Variants in FXYD6 observed in about 807,000 individuals in gnomAD.
FXYD6 encodes FXYD domain-containing ion transport regulator 6.
Under a neutral mutation model 16.7 loss-of-function variants are expected in FXYD6, and 7 were observed. The observed-to-expected ratio is 0.42, with a 90% CI of 0.24 to 0.79. FXYD6 has a LOEUF of 0.79. Among genes scored for constraint, FXYD6 ranks in the 30% least tolerant of loss-of-function variants. The pLI is 0.28. For synonymous variants in FXYD6, 49 were observed against 43.0 expected (o/e 1.14, Z -0.54); for missense variants, 111 against 116.2 (o/e 0.95, Z 0.21).
chr11:117,839,570 C>A (rs185635061), intron 7 of FXYD6: 22 of 537,792 alleles, frequency 4.1e-5, no homozygotes, highest in African/African-American at 3.2e-4. Flanking sequence ...CTGGTGTTGG[C>A]ATGCATGTGT....
intron 7 of FXYD6, chr11:117,838,502 C>G: frequency 1.7e-6 from 1 of 591,348 alleles, no homozygotes; most frequent in African/African-American, 1.9e-5. Flanking sequence ...TTGTTAAACC[C>G]AGGACCTCCC....
At chr11:117,867,032 C>A (rs876797) in intron 1 of FXYD6, among the ~76,000 whole-genome samples, 31,927 of 152,142 alleles carry the variant, frequency 0.21, 4,162 homozygotes, top group Admixed American at 0.33. Flanking sequence ...ACTCCCAATC[C>A]TAACAGTCAT....
intron 1 of FXYD6, among the ~76,000 whole-genome samples, chr11:117,873,375 G>C (rs574445565): frequency 1.4e-4 from 22 of 152,228 alleles, no homozygotes; most frequent in Admixed American, 2.6e-4. Flanking sequence ...ACTATTGACA[G>C]ATGCGGAAAC....
intron 1 of FXYD6, 110 bp from the exon 2 acceptor site, chr11:117,842,891 A>G (rs1236902418): frequency 8.7e-7 from 1 of 1,145,168 alleles, no homozygotes; most frequent in Non-Finnish European, 1.3e-6. Context: ...TTTGCTCTGC[A>G]CTCATGACTT....
At chr11:117,859,578 A>C (rs934915556) in intron 1 of FXYD6, among the ~76,000 whole-genome samples, 5 of 152,160 alleles carry the variant, frequency 3.3e-5, no homozygotes, top group Non-Finnish European at 7.4e-5. Context: ...ATTCTCACTT[A>C]ATCCTTAAAC....
At chr11:117,860,642 C>T (rs1318379983) in intron 1 of FXYD6, among the ~76,000 whole-genome samples, 1 of 152,178 alleles carries the variant, frequency 6.6e-6, no homozygotes, top group Non-Finnish European at 1.5e-5. Flanking sequence ...GGGGTGCGGG[C>T]AGCGCAGAAT....
chr11:117,841,938 A>G, intron 3 of FXYD6, 52 bp downstream of exon 3: 1 of 1,613,758 alleles, frequency 6.2e-7, no homozygotes, highest in Non-Finnish European at 8.5e-7. Context: ...CCCTCCTGCC[A>G]GGCAGGGCTG....
chr11:117,841,797 T>A lies in FXYD6; in HGVS notation c.166A>T (p.Ile56Phe). Residue 56 changes from isoleucine to phenylalanine, a missense_variant, in exon 4 of 8, where the codon ATC (isoleucine) becomes TTC (phenylalanine). Coordinates refer to ENST00000526014, the MANE Select transcript of FXYD6 (RefSeq NM_022003.4). Reference sequence around the variant, plus strand: ...AGCAAAAGAACAAACTTACTTAGGATAAGGAGGATCCCAACCGAGAAGAGG... The same window carrying A: ...AGCAAAAGAACAAACTTACTTAGGAAAAGGAGGATCCCAACCGAGAAGAGG... ...VVLFSVGILL[I>F]LSRRCKCSFN... 1 of 1,613,666 alleles carries A rather than the reference T, an allele frequency of 6.2e-7. No homozygotes were observed. Among genetic ancestry groups the A allele is most frequent in the Non-Finnish European group, 8.5e-7 (1 of 1,179,968 alleles).
At chr11:117,841,532 T>C (rs905521609) in intron 4 of FXYD6, 37 of 595,202 alleles carry the variant, frequency 6.2e-5, no homozygotes, top group South Asian at 1.2e-4. Flanking sequence ...TCATGCCCTA[T>C]AGACACAGCA....
At chr11:117,867,753 T>G (rs1397886607) in intron 1 of FXYD6, among the ~76,000 whole-genome samples, 1 of 152,100 alleles carries the variant, frequency 6.6e-6, no homozygotes, top group African/African-American at 2.4e-5. Flanking sequence ...TATATTCTGT[T>G]CCTTCTACTT....
chr11:117,859,417 C>T (rs1203740922), intron 1 of FXYD6, among the ~76,000 whole-genome samples: 2 of 152,186 alleles, frequency 1.3e-5, no homozygotes, highest in African/African-American at 2.4e-5. Flanking sequence ...TCTATGGATG[C>T]CACAGAAGAA....
In FXYD6 at chr11:117,875,552, T is replaced by C. The variant is rs12808543; in HGVS notation, c.-6+1040A>G. Among the ~76,000 whole-genome samples the C allele has an allele frequency of 2.1e-3, 318 of 152,064 alleles. 3 individuals are homozygous for C. The highest frequency in any genetic ancestry group is 3.8e-3 in the Non-Finnish European group (260 of 67,976). On this transcript the variant is annotated intron_variant, in intron 1 of 7. Coordinates refer to ENST00000526014, the MANE Select transcript of FXYD6 (RefSeq NM_022003.4). ...TAAGTTGCGGACGTAGACATACACA[T>C]CCATAATATGAGGGTGGCTGGATCC... is the stretch of plus-strand genomic sequence containing the variant.
intron 1 of FXYD6, chr11:117,869,190 T>C (rs999747078): frequency 3.3e-5 from 5 of 152,276 alleles, no homozygotes; most frequent in Non-Finnish European, 5.9e-5. Context: ...AGGAGGAGAC[T>C]GGACTCAGAG....
At position 117,872,496 on chromosome 11, in the gene FXYD6, T is replaced by C. The variant is rs2057160425; in HGVS notation, c.-6+4096A>G. 6.6e-6 allele frequency among the ~76,000 whole-genome samples: 1 copy of C among 152,158 alleles called. No homozygotes were observed. Among genetic ancestry groups the C allele is most frequent in the Non-Finnish European group, 1.5e-5 (1 of 68,022 alleles). Reference sequence around the variant, plus strand: ...CCTGACATATGAGGGGAACATTTATTAAAAGGATGAACGAGGGAGTTTGAA... The same window carrying C: ...CCTGACATATGAGGGGAACATTTATCAAAAGGATGAACGAGGGAGTTTGAA... On this transcript the variant is annotated intron_variant, in intron 1 of 7. Transcript: ENST00000526014. This position sits in a 1 kb window ranked among gnomAD's most constrained non-coding sequence, Gnocchi z 4.9.
At chr11:117,866,795 G>A (rs1315359211) in intron 1 of FXYD6, among the ~76,000 whole-genome samples, 3 of 152,172 alleles carry the variant, frequency 2.0e-5, no homozygotes, top group African/African-American at 7.2e-5. Context: ...AGGCTATCCT[G>A]TCCACTGGAG....
intron 4 of FXYD6, 160 bp downstream of exon 4, chr11:117,841,631 C>G: frequency 2.8e-6 from 2 of 708,650 alleles, no homozygotes; most frequent in Non-Finnish European, 4.8e-6. Flanking sequence ...TGAGCACTTA[C>G]TATGTGCCCA....
In FXYD6 at chr11:117,858,647, CTTTCT is replaced by C. The variant is rs1565323250; in HGVS notation, c.-5-15871_-5-15867del. On this transcript the variant is annotated intron_variant, in intron 1 of 7. Coordinates refer to ENST00000526014, the MANE Select transcript of FXYD6 (RefSeq NM_022003.4). Reference sequence around the variant, plus strand: ...CATTTTCTTTTTTCTTTCTTTCTTTCTTTCTTTCTTTCTTTCTTTCTTTCTTTCTT... The same window carrying C: ...CATTTTCTTTTTTCTTTCTTTCTTTCTTCTTTCTTTCTTTCTTTCTTTCTT... Among the ~76,000 whole-genome samples, 91 of 52,798 alleles carry C rather than the reference CTTTCT, an allele frequency of 1.7e-3. 2 individuals are homozygous for C. Among genetic ancestry groups the C allele is most frequent in the African/African-American group, 2.0e-3 (27 of 13,512 alleles). 34.6% of individuals were successfully genotyped at this position (52,798 alleles called of 152,430 possible).
chr11:117,852,532 A>G (rs1015130660), intron 1 of FXYD6, among the ~76,000 whole-genome samples: 2 of 152,134 alleles, frequency 1.3e-5, no homozygotes, highest in Non-Finnish European at 2.9e-5. Context: ...TAGATGTCCT[A>G]TCTTTCTTCT....
chr11:117,839,374 G>T, intron 7 of FXYD6: 1 of 210,090 alleles, frequency 4.8e-6, no homozygotes, highest in Non-Finnish European at 9.6e-6. Context: ...TTAGGGTTGG[G>T]AAGTTTCATA....
Sources: gnomAD v4.1 joint callset for allele counts (sites outside exome capture counted in the v4.1 genomes callset) on GRCh38, gnomAD v4.1.1 for gene constraint, Gnocchi (gnomAD v3.1) non-coding constraint, MANE v1.5 for transcripts, NCBI Gene and HGNC (gene_info 2026-07-23, HGNC 2026-07-21) for gene names.